The following SHANK2 variants were observed in gnomAD, a reference collection of about 807,000 sequenced individuals.
The protein encoded by SHANK2 is SH3 and multiple ankyrin repeat domains 2, also known as SH3 and multiple ankyrin repeat domains protein 2.
SHANK2 carries 43 observed loss-of-function variants against 133.7 expected under a neutral mutation model. The observed-to-expected ratio is 0.32, with a 90% CI of 0.25 to 0.41. The LOEUF is 0.41. Ranked by LOEUF, SHANK2 falls within the 10% of genes least tolerant of loss-of-function variation. The probability of loss-of-function intolerance (pLI) is 1.00; values close to 1 mark genes in which losing one functional copy is unlikely to be tolerated. For missense variants in SHANK2, 1,994 were observed against 2,235.8 expected (o/e 0.89, Z 2.18); for synonymous variants, 1,017 against 952.8 (o/e 1.07, Z -1.24).
chr11:71,149,944 A>G (rs1481628151), intron 2 of SHANK2, among the ~76,000 whole-genome samples: 3 of 5,030 alleles, frequency 6.0e-4, no homozygotes, highest in Admixed American at 1.9e-3. Context: ...AGGGGAGGGG[A>G]AGGAGGGAGA....
intron 14 of SHANK2, among the ~76,000 whole-genome samples, chr11:70,770,353 C>A (rs1372113752): frequency 6.6e-6 from 1 of 152,206 alleles, no homozygotes; most frequent in African/African-American, 2.4e-5. Flanking sequence ...GGGGTCATGG[C>A]CATGGGCCTG....
At chr11:70,496,600 T>C (rs2058974347) in intron 21 of SHANK2, among the ~76,000 whole-genome samples, 4 of 152,192 alleles carry the variant, frequency 2.6e-5, no homozygotes, top group Non-Finnish European at 5.9e-5. Flanking sequence ...CTCATCCTAA[T>C]GAGAAGCTGG....
intron 17 of SHANK2, among the ~76,000 whole-genome samples, chr11:70,531,008 A>T (rs1020865889): frequency 6.6e-6 from 1 of 151,988 alleles, no homozygotes; most frequent in Admixed American, 6.6e-5. Flanking sequence ...TCTACTAAAA[A>T]TACAAAAATA....
chr11:70,796,146 GA>G (rs1330810930), intron 14 of SHANK2, among the ~76,000 whole-genome samples: 2 of 152,160 alleles, frequency 1.3e-5, no homozygotes, highest in Non-Finnish European at 2.9e-5. Context: ...CCTGGGTGGG[GA>G]CCCTGTCAAC....
intron 11 of SHANK2, among the ~76,000 whole-genome samples, chr11:70,869,517 G>A (rs1380332663): frequency 6.6e-6 from 1 of 152,200 alleles, no homozygotes; most frequent in Non-Finnish European, 1.5e-5. Flanking sequence ...GCAAAGTTGT[G>A]CAGACCAGTT....
chr11:70,515,002 T>C (rs1395915729), intron 17 of SHANK2, among the ~76,000 whole-genome samples: 2 of 152,182 alleles, frequency 1.3e-5, no homozygotes, highest in African/African-American at 2.4e-5. Context: ...AGTTAATAAA[T>C]GAGAAAAGAC....
At chr11:70,929,003 T>A (rs1950466581) in intron 10 of SHANK2, among the ~76,000 whole-genome samples, 1 of 152,106 alleles carries the variant, frequency 6.6e-6, no homozygotes, top group Admixed American at 6.5e-5. Flanking sequence ...GGTGCACACG[T>A]GTCTTGTGGA....
chr11:70,769,344 G>A (rs925010262), intron 14 of SHANK2, among the ~76,000 whole-genome samples: 2 of 152,206 alleles, frequency 1.3e-5, no homozygotes, highest in African/African-American at 4.8e-5. Context: ...GATGATAAAT[G>A]ATGCGGTCAC....
At chr11:70,793,637 T>C (rs527878575) in intron 14 of SHANK2, among the ~76,000 whole-genome samples, 1 of 152,264 alleles carries the variant, frequency 6.6e-6, no homozygotes, top group East Asian at 1.9e-4. Context: ...AAGATATCAT[T>C]TCATATCTAT....
At chr11:70,745,411 G>A (rs1321613954) in intron 14 of SHANK2, among the ~76,000 whole-genome samples, 1 of 152,190 alleles carries the variant, frequency 6.6e-6, no homozygotes, top group Non-Finnish European at 1.5e-5. Flanking sequence ...AAACACCCGT[G>A]TCTCAGCCCT....
At chr11:70,810,017 G>A (rs782528534) in intron 12 of SHANK2, among the ~76,000 whole-genome samples, 2 of 152,240 alleles carry the variant, frequency 1.3e-5, no homozygotes, top group Non-Finnish European at 2.9e-5. Context: ...GTGCATCGAT[G>A]TGCACAGCCA....
intron 17 of SHANK2, among the ~76,000 whole-genome samples, chr11:70,600,530 G>A (rs2060480494): frequency 1.3e-5 from 2 of 151,880 alleles, no homozygotes; most frequent in Admixed American, 6.6e-5. Context: ...ATCCTGAAGA[G>A]ATAAAAGGTG....
At chr11:70,649,830 G>T (rs561878926) in intron 17 of SHANK2, among the ~76,000 whole-genome samples, 1 of 152,354 alleles carries the variant, frequency 6.6e-6, no homozygotes, top group South Asian at 2.1e-4. Context: ...ACATCCCAAT[G>T]ATCTGGGACT....
intron 13 of SHANK2, among the ~76,000 whole-genome samples, chr11:70,800,359 G>A (rs1555050244): frequency 6.6e-6 from 1 of 152,184 alleles, no homozygotes; most frequent in African/African-American, 2.4e-5. Context: ...CTGGGCCAGG[G>A]ATGCCCTCAA....
intron 14 of SHANK2, among the ~76,000 whole-genome samples, chr11:70,765,411 G>C (rs1197077450): frequency 6.6e-6 from 1 of 152,174 alleles, no homozygotes; most frequent in Non-Finnish European, 1.5e-5. Flanking sequence ...ATGCTAGCCT[G>C]GTGCTGCCGG....
intron 17 of SHANK2, among the ~76,000 whole-genome samples, chr11:70,598,496 G>A (rs1175089667): frequency 2.0e-5 from 3 of 152,176 alleles, no homozygotes; most frequent in South Asian, 2.1e-4. Flanking sequence ...TCAAGCCATC[G>A]CAGAAGGAAC....
intron 12 of SHANK2, among the ~76,000 whole-genome samples, chr11:70,815,523 C>T (rs868955848): frequency 7.2e-5 from 11 of 152,340 alleles, no homozygotes; most frequent in Middle Eastern, 3.4e-3. Flanking sequence ...CCCTTGCAGC[C>T]CCCTTCCTGT....
At chr11:70,898,822 C>T (rs571107770) in intron 10 of SHANK2, among the ~76,000 whole-genome samples, 32 of 152,120 alleles carry the variant, frequency 2.1e-4, no homozygotes, top group East Asian at 5.8e-4. Context: ...TGCAACAAAA[C>T]GAACACTGAG....
intron 2 of SHANK2, among the ~76,000 whole-genome samples, chr11:71,204,314 C>T (rs1954083957): frequency 6.6e-6 from 1 of 152,238 alleles, no homozygotes; most frequent in Non-Finnish European, 1.5e-5. Flanking sequence ...GCCCCCGGCT[C>T]AGGGCACGGG....
Sources: gnomAD v4.1 joint callset for allele counts (sites outside exome capture counted in the v4.1 genomes callset) on GRCh38, gnomAD v4.1.1 for gene constraint, MANE v1.5 for transcripts, NCBI Gene and HGNC (gene_info 2026-07-23, HGNC 2026-07-21) for gene names.